VSX2: variants seen among roughly 807,000 people sequenced by gnomAD.
VSX2 encodes visual system homeobox 2.
In VSX2, 28 loss-of-function variants were observed where a neutral mutation model predicts 32.1. The observed-to-expected ratio is 0.87, with a 90% CI of 0.65 to 1.20. The LOEUF is 1.20. Among genes scored for constraint, VSX2 ranks in the 50% most tolerant of loss-of-function variants. VSX2 has a pLI of 0.00. For synonymous variants in VSX2, 243 were observed against 214.1 expected (o/e 1.14, Z -1.18); for missense variants, 506 against 488.7 (o/e 1.04, Z -0.33).
rs1451972075 is a variant in VSX2 at position 74,239,802 on chromosome 14, C to T, written c.241C>T (p.Pro81Ser). 4.5e-6 allele frequency: 7 copies of T among 1,568,706 alleles called. No individual in the cohort carries two copies. The highest frequency in any genetic ancestry group is 3.5e-5 in the South Asian group (3 of 85,406). The change falls in exon 1 of 5, where the codon CCC becomes TCC. Residue 81 changes from proline (P) to serine (S), a missense_variant. Transcript: ENST00000261980. ...GGTGGGCGGCATGGGGCTTCTGGGG[C>T]CCGGGGGGCTCCCTGGCTTCTACAC... ...AGVGGMGLLG[P>S]GGLPGFYTQP...
rs137872696 is a variant in VSX2 at position 74,260,879 on chromosome 14, C to T, written c.1046C>T (p.Ala349Val). 3.4e-4 allele frequency: 534 copies of T among 1,565,732 alleles called. 3 individuals carry two copies. In the South Asian group the frequency reaches 3.5e-3, roughly 10 times the overall value. The change falls in exon 5 of 5, where the codon GCG becomes GTG. Residue 349 changes from alanine (A) to valine (V), a missense_variant. Coordinates refer to ENST00000261980, the MANE Select transcript of VSX2 (RefSeq NM_182894.3). ...EEEAMDEDRP[A>V]ERLSPPQLED... ...GAGGCCATGGATGAAGACAGGCCGG[C>T]GGAGAGGCTCAGTCCACCGCAGCTG...
At chr14:74,242,861 A>G (rs1258774785) in intron 2 of VSX2, among the ~76,000 whole-genome samples, 7 of 152,162 alleles carry the variant, frequency 4.6e-5, no homozygotes, top group Non-Finnish European at 7.3e-5. Context: ...CCCTGGGTAC[A>G]GGAATGGCAT....
rs929835856 is a variant in VSX2, at chr14:74,260,873, G to A, written c.1040G>A (p.Arg347Lys). 4.5e-6 allele frequency: 7 copies of A among 1,567,186 alleles called. No individual in the cohort carries two copies. The African/African-American group carries it at 9.5e-5, about 21-fold the overall frequency. ...GAGGAGGAGGCCATGGATGAAGACA[G>A]GCCGGCGGAGAGGCTCAGTCCACCG... ...PEEEEAMDED[R>K]PAERLSPPQL... The change falls in exon 5 of 5, where the codon AGG becomes AAG. Residue 347 changes from arginine to lysine, a missense_variant. Physicochemically the swap from Arg to Lys is conservative, Grantham distance 26. Transcript: ENST00000261980.
chr14:74,259,657 G>C lies in VSX2; in HGVS notation c.635G>C (p.Arg212Pro). The change falls in exon 4 of 5, where the codon CGG becomes CCG. Residue 212 changes from arginine to proline, a missense_variant. Physicochemically the swap from Arg to Pro is moderately radical, Grantham distance 103. Transcript: ENST00000261980. ...KWRKREKCWG[R>P]SSVMAEYGLY... is the part of the protein sequence containing the mutation. ...AGGAAGCGGGAGAAGTGCTGGGGCC[G>C]GAGCAGTGTCATGGCGGAGTATGGG... The C allele has an allele frequency of 1.2e-6, 2 of 1,614,158 alleles. No homozygotes were observed. Among genetic ancestry groups the C allele is most frequent in the Non-Finnish European group, 1.7e-6 (2 of 1,180,006 alleles).
In VSX2 at chr14:74,260,789, A is replaced by G. The variant is rs766611070; in HGVS notation, c.956A>G (p.Lys319Arg). 2 of 1,577,100 alleles carry G rather than the reference A, an allele frequency of 1.3e-6. No homozygotes were observed. Among genetic ancestry groups the G allele is most frequent in the South Asian group, 1.2e-5 (1 of 86,044 alleles). ...GCCAAAGCTCAGGAGCACAGCACCA[A>G]AGTGCTGGGGACTGTGTCTGGGCCG... Reference protein sequence around the residue: ...LRAKAQEHSTKVLGTVSGPDS... With the variant: ...LRAKAQEHSTRVLGTVSGPDS... Residue 319 changes from lysine to arginine, a missense_variant, in exon 5 of 5, where the codon AAA becomes AGA. Physicochemically the swap from Lys to Arg is conservative, Grantham distance 26. Coordinates refer to ENST00000261980, the MANE Select transcript of VSX2 (RefSeq NM_182894.3).
intron 3 of VSX2, among the ~76,000 whole-genome samples, chr14:74,250,249 AT>A (rs750027368): frequency 0.22 from 1,336 of 6,056 alleles, 31 homozygotes; most frequent in African/African-American, 0.35. Context: ...AAAAAAAAAA[AT>A]TTTTTTTTTT....
At chr14:74,243,078 G>A (rs888411241) in intron 2 of VSX2, among the ~76,000 whole-genome samples, 2 of 152,126 alleles carry the variant, frequency 1.3e-5, no homozygotes, top group East Asian at 3.8e-4. Flanking sequence ...GAATGGCTAC[G>A]GATTTCAAGT....
At chr14:74,241,344 G>T in intron 2 of VSX2, 78 bp downstream of exon 2, 1 of 1,498,780 alleles carries the variant, frequency 6.7e-7, no homozygotes, top group Non-Finnish European at 9.2e-7. Flanking sequence ...GGGTCTCTCG[G>T]ACCCTATTTT....
chr14:74,245,327 C>G (rs1468740944), intron 3 of VSX2, 39 bp downstream of exon 3: 3 of 1,611,982 alleles, frequency 1.9e-6, no homozygotes, highest in Admixed American at 1.7e-5. Context: ...ACTCTCCCCT[C>G]TCTCGGTGAC....
intron 2 of VSX2, among the ~76,000 whole-genome samples, chr14:74,244,756 A>G (rs2079172806): frequency 6.6e-6 from 1 of 152,006 alleles, no homozygotes; most frequent in African/African-American, 2.4e-5. Flanking sequence ...AAAGATTCCC[A>G]GTGTGAAATG....
intron 1 of VSX2, among the ~76,000 whole-genome samples, chr14:74,240,831 A>T (rs974922292): frequency 5.9e-5 from 9 of 152,044 alleles, no homozygotes; most frequent in Admixed American, 5.9e-4. Flanking sequence ...GGCCCGGGGC[A>T]TTGGGGCTGG....
chr14:74,256,795 TC>T (rs2079266224), intron 3 of VSX2, among the ~76,000 whole-genome samples: 1 of 150,336 alleles, frequency 6.7e-6, no homozygotes, highest in African/African-American at 2.4e-5. Flanking sequence ...TGCTTCAGCC[TC>T]CTGAGTAGCT....
chr14:74,242,515 A>C (rs1296701633), intron 2 of VSX2, among the ~76,000 whole-genome samples: 2 of 151,362 alleles, frequency 1.3e-5, no homozygotes, highest in Non-Finnish European at 2.9e-5. Context: ...GTTTCTCCGG[A>C]TCTCGGTCTA....
chr14:74,256,724 A>C (rs1362156673), intron 3 of VSX2, among the ~76,000 whole-genome samples: 1 of 129,574 alleles, frequency 7.7e-6, no homozygotes, highest in Non-Finnish European at 1.6e-5. Flanking sequence ...CACAGGCTGG[A>C]GTGCAGTGGC....
intron 3 of VSX2, among the ~76,000 whole-genome samples, chr14:74,255,189 G>A (rs942699726): frequency 2.6e-5 from 4 of 152,186 alleles, no homozygotes; most frequent in African/African-American, 9.6e-5. Context: ...TTCCAGGTCA[G>A]GACTGGCTGG....
intron 3 of VSX2, 118 bp from the exon 4 acceptor site, chr14:74,259,484 C>A: frequency 8.1e-7 from 1 of 1,228,332 alleles, no homozygotes; most frequent in Non-Finnish European, 1.2e-6. Flanking sequence ...ATGGAGTAGG[C>A]GAGCTTAGGT....
rs931687607 is a variant in VSX2, at chr14:74,261,175, C to CT, written c.*257dup. 7.3e-6 allele frequency: 4 copies of CT among 549,344 alleles called. No homozygotes were observed. The Admixed American group carries it at 1.2e-4, about 17-fold the overall frequency. The allele number at this position is 549,344 out of a possible 1,614,324, so 34.0% of individuals were successfully genotyped here. A position where few individuals can be genotyped will look rare whatever the true frequency, so the allele number is the denominator to read the frequency against. ...GCCTTCTTGCTGCCCACAACGTCCC[C>CT]TCAAGCCCCTTCTCTCAATCCCTTT... On this transcript the variant is annotated 3_prime_UTR_variant, in exon 5 of 5. Transcript: ENST00000261980.
At chr14:74,258,810 G>A (rs1185182372) in intron 3 of VSX2, among the ~76,000 whole-genome samples, 2 of 152,158 alleles carry the variant, frequency 1.3e-5, no homozygotes, top group African/African-American at 4.8e-5. Context: ...CAGCTTTGGG[G>A]CCAGAGACAC....
intron 3 of VSX2, among the ~76,000 whole-genome samples, chr14:74,253,972 A>G (rs542437413): frequency 6.6e-6 from 1 of 152,252 alleles, no homozygotes; most frequent in Non-Finnish European, 1.5e-5. Flanking sequence ...AAATGCACTC[A>G]TAGCCACAAA....
Sources: gnomAD v4.1 joint callset for allele counts (sites outside exome capture counted in the v4.1 genomes callset) on GRCh38, gnomAD v4.1.1 for gene constraint, MANE v1.5 for transcripts, NCBI Gene and HGNC (gene_info 2026-07-23, HGNC 2026-07-21) for gene names.